NPFFR1: variants seen among roughly 807,000 people sequenced by gnomAD.
The protein encoded by NPFFR1 is G-protein coupled receptor 147.
NPFFR1 carries 17 observed loss-of-function variants against 12.7 expected under a neutral mutation model. The observed-to-expected ratio is 1.34, with a 90% CI of 0.92 to 2.01. The LOEUF (loss-of-function observed/expected upper bound fraction) is 2.01. Ranked by LOEUF, NPFFR1 falls within the 30% of genes most tolerant of loss-of-function variation. The probability of loss-of-function intolerance (pLI) is 0.00; values close to 1 mark genes in which losing one functional copy is unlikely to be tolerated. For missense variants in NPFFR1, 604 were observed against 606.5 expected (o/e 1.00, Z 0.04); for synonymous variants, 296 against 264.5 (o/e 1.12, Z -1.16).
intron 2 of NPFFR1, 21 bp downstream of exon 2, chr10:70,266,056 C>T: frequency 6.2e-7 from 1 of 1,606,232 alleles, no homozygotes; most frequent in Non-Finnish European, 8.5e-7. Context: ...GACACTCCTG[C>T]TGCCAACTGC....
In NPFFR1 at chr10:70,254,417, A is replaced by G. The variant is rs1840540851; in HGVS notation, c.*540T>C. On this transcript the variant is annotated 3_prime_UTR_variant, in exon 4 of 4. Transcript: ENST00000277942. ...AAGGATCAAGGGGAGTGGCTTCAGT[A>G]ACGGAACATGAGGGACTCCCTCACA... 1 of 152,608 alleles carries G rather than the reference A, an allele frequency of 6.6e-6. No homozygotes were observed. Among genetic ancestry groups the G allele is most frequent in the Admixed American group, 6.5e-5 (1 of 15,318 alleles). The allele number at this position is 152,608 out of a possible 1,614,324, so 9.5% of individuals were successfully genotyped here. A position where few individuals can be genotyped will look rare whatever the true frequency, so the allele number is the denominator to read the frequency against.
intron 3 of NPFFR1, among the ~76,000 whole-genome samples, chr10:70,259,182 G>C (rs1261437937): frequency 6.6e-6 from 1 of 151,728 alleles, no homozygotes; most frequent in African/African-American, 2.4e-5. Context: ...GCTACTCCGG[G>C]GACTGAGGCA....
At chr10:70,282,139 T>C (rs899672499) in intron 1 of NPFFR1, among the ~76,000 whole-genome samples, 11 of 152,240 alleles carry the variant, frequency 7.2e-5, no homozygotes, top group African/African-American at 2.2e-4. Context: ...GGATGTCATA[T>C]GTCTGGGCTT....
chr10:70,255,415 A>G lies in NPFFR1; in HGVS notation c.835T>C (p.Phe279Leu). Residue 279 changes from phenylalanine (F) to leucine (L), a missense_variant, in exon 4 of 4, where the codon TTC (phenylalanine) becomes CTC (leucine). Coordinates refer to ENST00000277942, the MANE Select transcript of NPFFR1 (RefSeq NM_022146.5). This position sits in a 1 kb window ranked among gnomAD's most constrained non-coding sequence, Gnocchi z 4.2. ...VHMLVMVALF[F>L]TLSWLPLWAL... ...CAGAGCGGCAGCCAGGACAGCGTGA[A>G]GAACAGCGCCACCATGACCAGCATG... 1 of 1,546,516 alleles carries G rather than the reference A, an allele frequency of 6.5e-7. No individual in the cohort carries two copies.
chr10:70,276,818 C>A (rs1020105857), intron 1 of NPFFR1, among the ~76,000 whole-genome samples: 1 of 152,036 alleles, frequency 6.6e-6, no homozygotes, highest in African/African-American at 2.4e-5. Context: ...AACTCCTGAC[C>A]TCAAGTGATC....
At position 70,255,901 on chromosome 10, in the gene NPFFR1, CG is replaced by C; in HGVS notation, c.423-75del. ...CTGCGAGGGGACGGTGGGTGGGATG[CG>C]GGCACCTGACCTTCATCATCGCATC... On this transcript the variant is annotated intron_variant, in intron 3 of 3. Coordinates refer to ENST00000277942, the MANE Select transcript of NPFFR1 (RefSeq NM_022146.5). The surrounding 1 kb of genome is among the most constrained non-coding windows in gnomAD (Gnocchi z 4.2). The C allele has an allele frequency of 6.8e-7, 1 of 1,466,980 alleles. No individual in the cohort carries two copies. Among genetic ancestry groups the C allele is most frequent in the Non-Finnish European group, 9.2e-7 (1 of 1,088,354 alleles). The allele number at this position is 1,466,980 out of a possible 1,614,324, so 90.9% of individuals were successfully genotyped here. A position where few individuals can be genotyped will look rare whatever the true frequency, so the allele number is the denominator to read the frequency against.
rs767523830 is a variant in NPFFR1 at position 70,255,714 on chromosome 10, G to C, written c.536C>G (p.Thr179Arg). Reference sequence around the variant, plus strand: ...GTGCTCCTCACGGGTGACGGTCAGCGTGACGGCCGAGGGACACATGATGAG... The same window carrying C: ...GTGCTCCTCACGGGTGACGGTCAGCCTGACGGCCGAGGGACACATGATGAG... ...ALLIMCPSAVTLTVTREEHHF... is the reference protein window; with the variant it reads ...ALLIMCPSAVRLTVTREEHHF... The change falls in exon 4 of 4, where the codon ACG becomes AGG. Residue 179 changes from threonine (T) to arginine (R), a missense_variant. Coordinates refer to ENST00000277942, the MANE Select transcript of NPFFR1 (RefSeq NM_022146.5). This position sits in a 1 kb window ranked among gnomAD's most constrained non-coding sequence, Gnocchi z 4.2. The C allele has an allele frequency of 4.4e-6, 7 of 1,608,868 alleles. No individual in the cohort carries two copies. The South Asian group carries it at 7.8e-5, about 18-fold the overall frequency.
rs765884347 is a variant in NPFFR1 at position 70,255,314 on chromosome 10, G to A, written c.936C>T (p.Pro312=). ...TGAAGAAGGCCAGCCAGTGCGCGAA[G>A]GGGAAGGCGTAGACGGTGACCAGGT... ...QLHLVTVYAF[P]FAHWLAFFNS... is the part of the protein sequence containing the mutation. The change falls in exon 4 of 4, where the codon CCC becomes CCT. Residue 312 remains proline (P), a synonymous_variant. Coordinates refer to ENST00000277942, the MANE Select transcript of NPFFR1 (RefSeq NM_022146.5). This position sits in a 1 kb window ranked among gnomAD's most constrained non-coding sequence, Gnocchi z 4.2. 35 of 1,582,606 alleles carry A rather than the reference G, an allele frequency of 2.2e-5. No individual in the cohort carries two copies. Among genetic ancestry groups the A allele is most frequent in the Non-Finnish European group, 2.7e-5 (32 of 1,168,424 alleles).
intron 1 of NPFFR1, among the ~76,000 whole-genome samples, chr10:70,279,099 T>C (rs1351697517): frequency 2.0e-5 from 3 of 152,242 alleles, no homozygotes; most frequent in African/African-American, 2.4e-5. Context: ...ACATTTTTTG[T>C]GGTGAAAACA....
intron 1 of NPFFR1, among the ~76,000 whole-genome samples, chr10:70,276,720 A>G (rs930703763): frequency 6.6e-6 from 1 of 151,000 alleles, no homozygotes; most frequent in Non-Finnish European, 1.5e-5. Flanking sequence ...CTGAGTAGCC[A>G]GGATTACAGA....
intron 1 of NPFFR1, among the ~76,000 whole-genome samples, chr10:70,280,739 C>T (rs767903275): frequency 6.6e-5 from 10 of 152,126 alleles, no homozygotes; most frequent in Admixed American, 1.3e-4. Context: ...CGTAGTGGCT[C>T]ACACCTGTAA....
chr10:70,276,732 G>A (rs1378279402), intron 1 of NPFFR1, among the ~76,000 whole-genome samples: 3 of 151,890 alleles, frequency 2.0e-5, no homozygotes, highest in East Asian at 1.9e-4. Context: ...GATTACAGAC[G>A]TCTACCACCA....
At position 70,283,681 on chromosome 10, in the gene NPFFR1, C is replaced by A. The variant is rs751630372; in HGVS notation, c.-5G>T. On this transcript the variant is annotated 5_prime_UTR_variant, in exon 1 of 4. Transcript: ENST00000277942. Reference sequence around the variant, plus strand: ...CCAGGACCACTCACCCTCCATGATGCCCCCAGTTGCGGGCTCCGGCGGTCT... The same window carrying A: ...CCAGGACCACTCACCCTCCATGATGACCCCAGTTGCGGGCTCCGGCGGTCT... 2 of 1,535,282 alleles carry A rather than the reference C, an allele frequency of 1.3e-6. No individual in the cohort carries two copies. Among genetic ancestry groups the A allele is most frequent in the South Asian group, 1.2e-5 (1 of 84,028 alleles).
chr10:70,269,226 T>C (rs972718806), intron 1 of NPFFR1, among the ~76,000 whole-genome samples: 1 of 152,168 alleles, frequency 6.6e-6, no homozygotes, highest in African/African-American at 2.4e-5. Flanking sequence ...ATCAGGGGGC[T>C]CAGGTGATGT....
rs746767725 is a variant in NPFFR1, at chr10:70,255,387, G to C, written c.863C>G (p.Ala288Gly). ...FFTLSWLPLW[A>G]LLLLIDYGQL... is the part of the protein sequence containing the mutation. ...CCCGTAGTCGATGAGCAGCAGCAGC[G>C]CCCAGAGCGGCAGCCAGGACAGCGT... Residue 288 changes from alanine to glycine, a missense_variant, in exon 4 of 4, where the codon GCG becomes GGG. Transcript: ENST00000277942. The surrounding 1 kb of genome is among the most constrained non-coding windows in gnomAD (Gnocchi z 4.2). 2.6e-6 allele frequency: 4 copies of C among 1,548,148 alleles called. No individual in the cohort carries two copies. Among genetic ancestry groups the C allele is most frequent in the Non-Finnish European group, 3.5e-6 (4 of 1,149,320 alleles).
Position 70,254,378 on chromosome 10 carries a change from G to C in NPFFR1, c.*579C>G, listed in dbSNP as rs943736498. 6.6e-6 allele frequency: 1 copy of C among 152,340 alleles called. No homozygotes were observed. The highest frequency in any genetic ancestry group is 2.4e-5 in the African/African-American group (1 of 41,450). 9.4% of individuals were successfully genotyped at this position (152,340 alleles called of 1,614,324 possible). On this transcript the variant is annotated 3_prime_UTR_variant, in exon 4 of 4. Transcript: ENST00000277942. ...TTAGAGCCGGCAGCGGGGGCACACC[G>C]TGTTCTTCTAGAAAAGGATCAAGGG...
intron 2 of NPFFR1, among the ~76,000 whole-genome samples, chr10:70,264,988 GC>G (rs1472499473): frequency 6.6e-6 from 1 of 152,228 alleles, no homozygotes; most frequent in African/African-American, 2.4e-5. Context: ...GCACATGTGT[GC>G]CTGAGTACAC....
chr10:70,264,366 C>CAAAAAAAAAAAAAAAAAAAAAA (rs56178146), intron 2 of NPFFR1, among the ~76,000 whole-genome samples: 2 of 74,582 alleles, frequency 2.7e-5, no homozygotes, highest in Non-Finnish European at 4.8e-5. Flanking sequence ...AGTGAGACTC[C>CAAAAAAAAAAAAAAAAAAAAAA]AAAAAAAAAA....
Position 70,255,718 on chromosome 10 carries a change from C to T in NPFFR1, c.532G>A (p.Val178Ile). 1 of 1,609,134 alleles carries T rather than the reference C, an allele frequency of 6.2e-7. No individual in the cohort carries two copies. The highest frequency in any genetic ancestry group is 8.5e-7 in the Non-Finnish European group (1 of 1,178,020). The change falls in exon 4 of 4, where the codon GTC becomes ATC. Residue 178 changes from valine to isoleucine, a missense_variant. Coordinates refer to ENST00000277942, the MANE Select transcript of NPFFR1 (RefSeq NM_022146.5). The surrounding 1 kb of genome is among the most constrained non-coding windows in gnomAD (Gnocchi z 4.2). ...TCCTCACGGGTGACGGTCAGCGTGACGGCCGAGGGACACATGATGAGCAGC... is the reference window on the plus strand; with the variant it reads ...TCCTCACGGGTGACGGTCAGCGTGATGGCCGAGGGACACATGATGAGCAGC... Reference protein sequence around the residue: ...LALLIMCPSAVTLTVTREEHH... With the variant: ...LALLIMCPSAITLTVTREEHH...
Sources: allele counts gnomAD v4.1 joint callset (sites outside exome capture counted in the v4.1 genomes callset), GRCh38; gene constraint gnomAD v4.1.1; non-coding constraint Gnocchi (gnomAD v3.1); transcripts MANE v1.5; gene names NCBI Gene and HGNC (gene_info 2026-07-23, HGNC 2026-07-21).